SLC17A1: variants seen among roughly 807,000 people sequenced by gnomAD.
SLC17A1 encodes sodium-dependent phosphate transport protein 1.
Under a neutral mutation model 53.5 loss-of-function variants are expected in SLC17A1, and 51 were observed. The observed-to-expected ratio is 0.95, with a 90% CI of 0.76 to 1.20. The LOEUF (loss-of-function observed/expected upper bound fraction) is 1.20, where lower values mean the gene tolerates loss of function less well. Ranked by LOEUF, SLC17A1 falls within the 50% of genes most tolerant of loss-of-function variation. The probability of loss-of-function intolerance (pLI) is 0.00; values close to 1 mark genes in which losing one functional copy is unlikely to be tolerated. For missense variants in SLC17A1, 538 were observed against 568.2 expected (o/e 0.95, Z 0.54); for synonymous variants, 179 against 198.8 (o/e 0.90, Z 0.84).
chr6:25,747,956 C>A, the SLC17A1 span, among the ~76,000 whole-genome samples: 1 of 152,096 alleles, frequency 6.6e-6, no homozygotes, highest in African/African-American at 2.4e-5. Context: ...TTTATAATTC[C>A]AAGCCAAAAG....
At chr6:25,804,180 A>T (rs1483494207) in intron 10 of SLC17A1, among the ~76,000 whole-genome samples, 1 of 152,168 alleles carries the variant, frequency 6.6e-6, no homozygotes, top group East Asian at 1.9e-4. Flanking sequence ...ATGTAGCTTA[A>T]CTATCCAGAA....
At chr6:25,811,095 G>T (rs1327814347) in intron 10 of SLC17A1, among the ~76,000 whole-genome samples, 1 of 152,136 alleles carries the variant, frequency 6.6e-6, no homozygotes, top group Non-Finnish European at 1.5e-5. Flanking sequence ...CACTGGGAGT[G>T]AGATGTTAGC....
the SLC17A1 span, among the ~76,000 whole-genome samples, chr6:25,742,607 C>T: frequency 2.0e-5 from 3 of 150,292 alleles, no homozygotes; most frequent in Non-Finnish European, 2.9e-5. Flanking sequence ...CACACTCATA[C>T]AGCTGCTGGT....
chr6:25,729,577 C>T, the SLC17A1 span, among the ~76,000 whole-genome samples: 2 of 152,152 alleles, frequency 1.3e-5, no homozygotes, highest in Non-Finnish European at 2.9e-5. Context: ...CAGAAAACCA[C>T]GGGATGGGTG....
At chr6:25,747,158 A>G in the SLC17A1 span, among the ~76,000 whole-genome samples, 1 of 152,360 alleles carries the variant, frequency 6.6e-6, no homozygotes, top group Admixed American at 6.5e-5. Flanking sequence ...TACAGGTAGC[A>G]GAGTAATCAA....
intron 11 of SLC17A1, 146 bp downstream of exon 11, chr6:25,800,744 C>T: frequency 1.7e-6 from 1 of 591,590 alleles, no homozygotes; most frequent in Admixed American, 3.2e-5. Context: ...TGGAGAGATG[C>T]CTGATTTGAC....
the SLC17A1 span, chr6:25,727,399 G>GTTT: frequency 0.028 from 18,720 of 680,288 alleles, 9 homozygotes; most frequent in Middle Eastern, 0.038. Flanking sequence ...AACCGTAAGG[G>GTTT]TTTTTTTTTT....
At chr6:25,826,341 A>G in intron 3 of SLC17A1, 120 bp downstream of exon 3, 1 of 752,326 alleles carries the variant, frequency 1.3e-6, no homozygotes, top group Non-Finnish European at 2.0e-6. Context: ...GGCAAGGTAG[A>G]TGAAGACTTG....
the SLC17A1 span, among the ~76,000 whole-genome samples, chr6:25,776,369 G>C: frequency 6.7e-6 from 1 of 150,214 alleles, no homozygotes; most frequent in Non-Finnish European, 1.5e-5. Context: ...TTATTTCCAG[G>C]TGATTTTTAT....
rs756941205 is a variant in SLC17A1, at chr6:25,826,612, C to T, written c.56G>A (p.Arg19His). 2.4e-5 allele frequency: 38 copies of T among 1,578,054 alleles called. No homozygotes were observed. The highest frequency in any genetic ancestry group is 1.8e-4 in the East Asian group (8 of 43,316). Residue 19 changes from arginine (R) to histidine (H), a missense_variant, in exon 3 of 13, where the codon CGC (arginine) becomes CAC (histidine). By Grantham distance (29) the Arg-to-His change is conservative. Transcript: ENST00000244527. ...GTGCACAAGGAAAGACAATCCATAG[C>T]GAAAGGAACAGAAACCTGGAACTAC... Reference protein sequence around the residue: ...PKKVPGFCSFRYGLSFLVHCC... With the variant: ...PKKVPGFCSFHYGLSFLVHCC...
intron 12 of SLC17A1, among the ~76,000 whole-genome samples, chr6:25,784,910 CAGGGCAATT>C (rs1371602687): frequency 6.6e-6 from 1 of 152,092 alleles, no homozygotes. Flanking sequence ...GGGTTCTATA[CAGGGCAATT>C]AGGCAAGGGA....
At chr6:25,768,951 C>T in the SLC17A1 span, 3 of 1,596,560 alleles carry the variant, frequency 1.9e-6, no homozygotes, top group Non-Finnish European at 2.6e-6. Flanking sequence ...GAAAAGCATT[C>T]TGATTGTGAT....
At chr6:25,768,598 ACTTGGGAGTCAT>A in the SLC17A1 span, among the ~76,000 whole-genome samples, 4 of 152,172 alleles carry the variant, frequency 2.6e-5, no homozygotes, top group African/African-American at 9.7e-5. Context: ...CAAGCAGGGA[ACTTGGGAGTCAT>A]CTCCAGCAGT....
downstream of SLC17A1, chr6:25,777,950 AT>A: frequency 6.2e-7 from 1 of 1,613,184 alleles, no homozygotes; most frequent in East Asian, 2.2e-5. Flanking sequence ...TCAAAGGACT[AT>A]TGCAAGTCTT....
chr6:25,762,998 C>T, the SLC17A1 span, among the ~76,000 whole-genome samples: 2 of 152,082 alleles, frequency 1.3e-5, no homozygotes, highest in East Asian at 1.9e-4. Flanking sequence ...GGTAAAAGCA[C>T]GGGTCAGAAA....
the SLC17A1 span, among the ~76,000 whole-genome samples, chr6:25,766,178 ATTT>A: frequency 1.4e-4 from 19 of 133,620 alleles, no homozygotes; most frequent in South Asian, 4.6e-3. Context: ...AGAATTATAC[ATTT>A]TTATGTTTCT....
chr6:25,822,334 C>T (rs1057249878), intron 3 of SLC17A1, among the ~76,000 whole-genome samples: 1 of 152,010 alleles, frequency 6.6e-6, no homozygotes, highest in Non-Finnish European at 1.5e-5. Context: ...GTGGTCTGGC[C>T]ATGTCTACTT....
chr6:25,817,207 T>A (rs192226329), intron 6 of SLC17A1, among the ~76,000 whole-genome samples: 1 of 152,316 alleles, frequency 6.6e-6, no homozygotes, highest in African/African-American at 2.4e-5. Flanking sequence ...TACTTGGTAA[T>A]CTCCAGCAAT....
the SLC17A1 span, among the ~76,000 whole-genome samples, chr6:25,751,296 A>C: frequency 6.6e-6 from 1 of 152,238 alleles, no homozygotes; most frequent in Non-Finnish European, 1.5e-5. Flanking sequence ...GGGATTAAGT[A>C]TATTTTGTGT....
Sources: allele counts gnomAD v4.1 joint callset (sites outside exome capture counted in the v4.1 genomes callset), GRCh38; gene constraint gnomAD v4.1.1; transcripts MANE v1.5; gene names NCBI Gene and HGNC (gene_info 2026-07-23, HGNC 2026-07-21).